Variants in FRAS1 observed in about 807,000 individuals in gnomAD.
The protein encoded by FRAS1 is Fraser extracellular matrix complex subunit 1.
Under a neutral mutation model 435.2 loss-of-function variants are expected in FRAS1, and 290 were observed. The ratio of observed to expected loss-of-function variants is 0.67; its 90% CI spans 0.61 to 0.73. The LOEUF is 0.73. Among genes scored for constraint, FRAS1 ranks in the 30% least tolerant of loss-of-function variants. The pLI, the probability that FRAS1 is intolerant of heterozygous loss-of-function variation, is 0.00. For synonymous variants in FRAS1, 1,800 were observed against 1,851.0 expected (o/e 0.97, Z 0.71); for missense variants, 4,860 against 5,001.5 (o/e 0.97, Z 0.85).
At chr4:78,384,014 T>C (rs1732122961) in intron 27 of FRAS1, 45 bp from the exon 28 acceptor site, 3 of 1,385,104 alleles carry the variant, frequency 2.2e-6, no homozygotes, top group Non-Finnish European at 2.0e-6. Flanking sequence ...TAAAGTCTAA[T>C]GTAATGATTG....
At chr4:78,446,662 A>G in intron 42 of FRAS1, 65 bp from the exon 43 acceptor site, 2 of 1,556,404 alleles carry the variant, frequency 1.3e-6, no homozygotes. Context: ...ACTGTCTCTG[A>G]ATAATGTGCA....
At position 78,519,416 on chromosome 4, in the gene FRAS1, C is replaced by T. The variant is rs754464412; in HGVS notation, c.10475C>T (p.Ala3492Val). 1.7e-5 allele frequency: 28 copies of T among 1,610,750 alleles called. No individual in the cohort carries two copies. The highest frequency in any genetic ancestry group is 1.3e-4 in the Admixed American group (8 of 59,344). Residue 3492 changes from alanine (A) to valine (V), a missense_variant, in exon 67 of 74, where the codon GCC (alanine) becomes GTC (valine). By Grantham distance (64) the Ala-to-Val change is moderately conservative. Coordinates refer to ENST00000512123, the MANE Select transcript of FRAS1 (RefSeq NM_025074.7). The stretch of plus-strand genomic sequence containing the variant: ...TATGTGACAGCCCCCAGGGGCTGGG[C>T]CTCCTTGGAGCACCACACCGAGATG... ...YIYVTAPRGW[A>V]SLEHHTEMEF... is the part of the protein sequence containing the mutation.
chr4:78,374,102 G>A lies in FRAS1; in HGVS notation c.3011-9G>A. 6.4e-7 allele frequency: 1 copy of A among 1,561,626 alleles called. No individual in the cohort carries two copies. Among genetic ancestry groups the A allele is most frequent in the South Asian group, 1.2e-5 (1 of 84,744 alleles). ...ACAGATTCCTGATGACTTGACTTTT[G>A]TCTTTCAGACTGTGACAGCTACTGT... On this transcript the variant is annotated splice_polypyrimidine_tract_variant and intron_variant, in intron 24 of 73. Transcript: ENST00000512123.
chr4:78,517,743 T>G (rs1057459492), intron 66 of FRAS1, among the ~76,000 whole-genome samples: 1 of 151,118 alleles, frequency 6.6e-6, no homozygotes, highest in East Asian at 1.9e-4. Flanking sequence ...ATTTGTTGGG[T>G]TTTTTTTTCT....
intron 2 of FRAS1, among the ~76,000 whole-genome samples, chr4:78,160,509 A>G (rs572439183): frequency 2.0e-5 from 3 of 152,306 alleles, no homozygotes; most frequent in Admixed American, 1.3e-4. Context: ...GATGGGGCAT[A>G]TGCACCTTTG....
At chr4:78,064,393 A>G (rs925125069) in intron 1 of FRAS1, among the ~76,000 whole-genome samples, 21 of 151,736 alleles carry the variant, frequency 1.4e-4, no homozygotes, top group African/African-American at 5.1e-4. Context: ...GTTTGTGTAA[A>G]ATATAAACTC....
chr4:78,097,772 C>T (rs961378822), intron 2 of FRAS1, among the ~76,000 whole-genome samples: 1 of 152,208 alleles, frequency 6.6e-6, no homozygotes, highest in African/African-American at 2.4e-5. Context: ...GATGGGGATA[C>T]AGAACCAAAC....
In FRAS1 at chr4:78,521,626, C is replaced by T. The variant is rs747177228; in HGVS notation, c.10644C>T (p.Phe3548=). 2 of 1,594,382 alleles carry T rather than the reference C, an allele frequency of 1.3e-6. No individual in the cohort carries two copies. The highest frequency in any genetic ancestry group is 4.5e-5 in the East Asian group (2 of 44,488). The change falls in exon 68 of 74, where the codon TTC becomes TTT. Residue 3548 remains phenylalanine (F), a synonymous_variant. Transcript: ENST00000512123. The part of the protein sequence containing the change: ...LVIEFKTHAK[F]RGQFVMEHHT... Reference sequence around the variant, plus strand: ...TTGAATTCAAGACCCATGCCAAATTCAGAGGTAATATCAATGCCGTTTTTT... The same window carrying T: ...TTGAATTCAAGACCCATGCCAAATTTAGAGGTAATATCAATGCCGTTTTTT...
intron 4 of FRAS1, among the ~76,000 whole-genome samples, chr4:78,251,131 T>C (rs1468421015): frequency 6.6e-6 from 1 of 152,228 alleles, no homozygotes; most frequent in Non-Finnish European, 1.5e-5. Context: ...TGTGTAGGCC[T>C]TTTCAAGCAT....
chr4:78,180,750 A>G, intron 2 of FRAS1: 1 of 832,348 alleles, frequency 1.2e-6, no homozygotes, highest in East Asian at 2.7e-5. Context: ...TTAGGTGTGA[A>G]TGGTATGAAT....
chr4:78,432,723 A>AT, intron 38 of FRAS1, 119 bp downstream of exon 38: 2 of 1,179,358 alleles, frequency 1.7e-6, no homozygotes, highest in Non-Finnish European at 2.3e-6. Context: ...CGTAAAGAAC[A>AT]TTTTTCTCAG....
intron 2 of FRAS1, among the ~76,000 whole-genome samples, chr4:78,230,946 A>G (rs1479679920): frequency 6.6e-6 from 1 of 151,952 alleles, no homozygotes; most frequent in African/African-American, 2.4e-5. Context: ...TTTACCTTAT[A>G]TTTTATTTTA....
At chr4:78,345,861 A>C (rs1730586486) in intron 20 of FRAS1, among the ~76,000 whole-genome samples, 3 of 55,228 alleles carry the variant, frequency 5.4e-5, no homozygotes, top group Non-Finnish European at 1.1e-4. Flanking sequence ...GTCCTTCCTA[A>C]ATTAAAAAAA....
At chr4:78,109,433 G>C (rs1742578207) in intron 2 of FRAS1, among the ~76,000 whole-genome samples, 1 of 151,598 alleles carries the variant, frequency 6.6e-6, no homozygotes, top group African/African-American at 2.4e-5. Flanking sequence ...TGGGATGCAA[G>C]GCTGGTTCAA....
chr4:78,384,017 A>C (rs1319419251), intron 27 of FRAS1, 42 bp from the exon 28 acceptor site: 1 of 1,406,610 alleles, frequency 7.1e-7, no homozygotes, highest in Admixed American at 1.8e-5. Flanking sequence ...AGTCTAATGT[A>C]ATGATTGTAT....
chr4:78,245,753 C>A (rs1725212185), intron 4 of FRAS1, among the ~76,000 whole-genome samples: 1 of 152,100 alleles, frequency 6.6e-6, no homozygotes, highest in African/African-American at 2.4e-5. Context: ...AATGGTATAA[C>A]CTGGTCTAGA....
At chr4:78,343,399 A>G (rs431664) in intron 20 of FRAS1, among the ~76,000 whole-genome samples, 26,634 of 151,360 alleles carry the variant, frequency 0.18, 3,262 homozygotes, top group African/African-American at 0.35. Context: ...TGCAGGTTGT[A>G]GACCAACTGA....
intron 42 of FRAS1, chr4:78,446,069 T>C: frequency 8.9e-7 from 1 of 1,127,724 alleles, no homozygotes; most frequent in Non-Finnish European, 1.1e-6. Flanking sequence ...CTTTTCTTAT[T>C]TTACTGCATT....
chr4:78,481,477 T>G (rs1306188940), intron 56 of FRAS1, among the ~76,000 whole-genome samples: 2 of 152,212 alleles, frequency 1.3e-5, no homozygotes, highest in African/African-American at 4.8e-5. Flanking sequence ...CAATAGACCC[T>G]TCTCTCCTTA....
Sources: gnomAD v4.1 joint callset for allele counts (sites outside exome capture counted in the v4.1 genomes callset) on GRCh38, gnomAD v4.1.1 for gene constraint, MANE v1.5 for transcripts, NCBI Gene and HGNC (gene_info 2026-07-23, HGNC 2026-07-21) for gene names.